RAD18: variants seen among roughly 807,000 people sequenced by gnomAD.
RAD18 encodes RAD18 E3 ubiquitin protein ligase.
Under a neutral mutation model 60.4 loss-of-function variants are expected in RAD18, and 47 were observed. That is an observed-to-expected ratio of 0.78 (90% confidence interval 0.62 to 0.99). The LOEUF is 0.99. Among genes scored for constraint, RAD18 ranks in the 50% least tolerant of loss-of-function variants. The probability of loss-of-function intolerance (pLI) is 0.00; values close to 1 mark genes in which losing one functional copy is unlikely to be tolerated. For synonymous variants in RAD18, 225 were observed against 195.5 expected, an observed-to-expected ratio of 1.15 and a Z score of -1.26; for missense variants, 640 against 593.3, an observed-to-expected ratio of 1.08 and a Z score of -0.82.
In RAD18 at chr3:8,951,049, A is replaced by G. The variant is rs1940918709; in HGVS notation, c.134-2479T>C. On this transcript the variant is annotated intron_variant, in intron 2 of 12. Coordinates refer to ENST00000264926, the MANE Select transcript of RAD18 (RefSeq NM_020165.4). ...ACTACAAAAGATGTAACATACACAT[A>G]ATGGGAATACCAGAAAGGGAAGAAT... Among the ~76,000 whole-genome samples the G allele has an allele frequency of 2.0e-5, 3 of 152,218 alleles. No homozygotes were observed. In the South Asian group the frequency reaches 6.2e-4, roughly 32 times the overall value.
chr3:8,940,407 C>G (rs185014209), intron 5 of RAD18, among the ~76,000 whole-genome samples: 16 of 151,970 alleles, frequency 1.1e-4, no homozygotes, highest in Admixed American at 9.8e-4. Context: ...TAAGAACTGT[C>G]AATTGGTAAA....
At position 8,898,893 on chromosome 3, in the gene RAD18, C is replaced by T; in HGVS notation, c.1322+1G>A. The T allele has an allele frequency of 5.1e-6, 8 of 1,572,546 alleles. No homozygotes were observed. The highest frequency in any genetic ancestry group is 6.9e-6 in the Non-Finnish European group (8 of 1,156,790). Reference sequence around the variant, plus strand: ...ATAATCAACTACTGCATGTTTCTTACCTATTGCATGAATCTGATTCTGATG... The same window carrying T: ...ATAATCAACTACTGCATGTTTCTTATCTATTGCATGAATCTGATTCTGATG... On this transcript the variant is annotated splice_donor_variant, in intron 11 of 12. Coordinates refer to ENST00000264926, the MANE Select transcript of RAD18 (RefSeq NM_020165.4). LOFTEE classifies it high-confidence loss of function.
chr3:8,908,164 G>T (rs543925030), intron 9 of RAD18, among the ~76,000 whole-genome samples: 1 of 152,258 alleles, frequency 6.6e-6, no homozygotes, highest in Non-Finnish European at 1.5e-5. Context: ...CTTCATGGAG[G>T]TCTAGCTGAT....
intron 12 of RAD18, among the ~76,000 whole-genome samples, chr3:8,887,787 C>T (rs1939595696): frequency 6.6e-6 from 1 of 152,122 alleles, no homozygotes; most frequent in East Asian, 1.9e-4. Context: ...TATTATGATG[C>T]TTTGACATCA....
chr3:8,893,777 G>C (rs2125048117), intron 11 of RAD18, among the ~76,000 whole-genome samples: 1 of 146,830 alleles, frequency 6.8e-6, no homozygotes, highest in Admixed American at 7.0e-5. Flanking sequence ...AGCTACTGCA[G>C]CCTCAACCTC....
At position 8,941,554 on chromosome 3, in the gene RAD18, G is replaced by A. The variant is rs183761850; in HGVS notation, c.517C>T (p.Arg173Cys). Residue 173 changes from arginine (R) to cysteine (C), a missense_variant, in exon 5 of 13, where the codon CGT becomes TGT. Coordinates refer to ENST00000264926, the MANE Select transcript of RAD18 (RefSeq NM_020165.4). ...ASPAAKTKET[R>C]SVEEIAPDPS... ...TCTGGAGCGATCTCTTCTACAGAAC[G>A]TGTCTCTTTGGTCTTTGCAGCAGGG... is the stretch of plus-strand genomic sequence containing the variant. 2.0e-5 allele frequency: 32 copies of A among 1,614,102 alleles called. No homozygotes were observed. The highest frequency in any genetic ancestry group is 5.5e-5 in the South Asian group (5 of 91,082).
At chr3:8,885,607 G>C (rs191966783) in intron 12 of RAD18, among the ~76,000 whole-genome samples, 61 of 152,278 alleles carry the variant, frequency 4.0e-4, no homozygotes, top group African/African-American at 1.2e-3. Context: ...CTCTGACAAG[G>C]CTGAGAAGTG....
At chr3:8,889,024 G>A (rs762137245) in intron 12 of RAD18, among the ~76,000 whole-genome samples, 1 of 152,148 alleles carries the variant, frequency 6.6e-6, no homozygotes, top group Non-Finnish European at 1.5e-5. Flanking sequence ...ATGCTTAGGT[G>A]AGAGACAGTA....
intron 7 of RAD18, among the ~76,000 whole-genome samples, chr3:8,921,826 T>C (rs1358910254): frequency 6.6e-6 from 1 of 152,212 alleles, no homozygotes; most frequent in South Asian, 2.1e-4. Flanking sequence ...GACCTTCTTT[T>C]CCATTTTTTA....
intron 7 of RAD18, among the ~76,000 whole-genome samples, chr3:8,922,793 C>T (rs1426122434): frequency 1.3e-5 from 2 of 152,176 alleles, no homozygotes; most frequent in African/African-American, 4.8e-5. Flanking sequence ...GCTGGTGATA[C>T]CCAGGCAAAC....
At chr3:8,901,078 C>G (rs1177929873) in intron 10 of RAD18, among the ~76,000 whole-genome samples, 1 of 152,186 alleles carries the variant, frequency 6.6e-6, no homozygotes, top group Non-Finnish European at 1.5e-5. Flanking sequence ...ACTTTATGCA[C>G]AAATTGTTTA....
intron 7 of RAD18, among the ~76,000 whole-genome samples, chr3:8,929,643 ATTTT>A (rs71049758): frequency 7.0e-6 from 1 of 142,282 alleles, no homozygotes; most frequent in African/African-American, 2.6e-5. Context: ...ACTGGAATTA[ATTTT>A]TTTTTTTTTT....
At chr3:8,881,800 C>T (rs914536100) in intron 12 of RAD18, among the ~76,000 whole-genome samples, 10 of 152,214 alleles carry the variant, frequency 6.6e-5, no homozygotes, top group Non-Finnish European at 1.3e-4. Flanking sequence ...AAAATCTTAA[C>T]TCTGTTTGAT....
intron 6 of RAD18, among the ~76,000 whole-genome samples, chr3:8,938,925 A>T (rs1940698904): frequency 6.6e-6 from 1 of 152,194 alleles, no homozygotes; most frequent in Non-Finnish European, 1.5e-5. Context: ...ATAGTGGACT[A>T]GCATGAGAAA....
At chr3:8,930,244 T>C (rs993512904) in intron 7 of RAD18, among the ~76,000 whole-genome samples, 1 of 152,104 alleles carries the variant, frequency 6.6e-6, no homozygotes, top group Non-Finnish European at 1.5e-5. Context: ...CAATGAAAAA[T>C]AAGTGAGTAT....
At chr3:8,958,403 A>G (rs903470863) in intron 2 of RAD18, among the ~76,000 whole-genome samples, 5 of 152,238 alleles carry the variant, frequency 3.3e-5, no homozygotes, top group African/African-American at 1.2e-4. Context: ...CTTATATACT[A>G]GACTCTTAAA....
intron 7 of RAD18, among the ~76,000 whole-genome samples, chr3:8,918,951 C>G (rs1291428968): frequency 3.3e-5 from 5 of 152,232 alleles, no homozygotes; most frequent in Admixed American, 2.0e-4. Context: ...CAGCTGACAA[C>G]TGCACCCTCT....
rs1939697681 is a variant in RAD18 at position 8,891,870 on chromosome 3, ATTCCTTTTT to A, written c.1323-1428_1323-1420del. Among the ~76,000 whole-genome samples, 8 of 152,364 alleles carry A rather than the reference ATTCCTTTTT, an allele frequency of 5.3e-5. No homozygotes were observed. The South Asian group carries it at 6.2e-4, about 12-fold the overall frequency. ...ATTAAAATACCAGACAGAACTGCTC[ATTCCTTTTT>A]CAAGTAATGTGCTTATTACCATATC... is the stretch of plus-strand genomic sequence containing the variant. On this transcript the variant is annotated intron_variant, in intron 11 of 12. Coordinates refer to ENST00000264926, the MANE Select transcript of RAD18 (RefSeq NM_020165.4).
chr3:8,950,185 C>A (rs1354364091), intron 2 of RAD18, among the ~76,000 whole-genome samples: 2 of 151,990 alleles, frequency 1.3e-5, no homozygotes, highest in African/African-American at 4.8e-5. Flanking sequence ...TGTGCGCCAC[C>A]ACACCACACC....
Sources: gnomAD v4.1 joint callset for allele counts (sites outside exome capture counted in the v4.1 genomes callset) on GRCh38, gnomAD v4.1.1 for gene constraint, MANE v1.5 for transcripts, NCBI Gene and HGNC (gene_info 2026-07-23, HGNC 2026-07-21) for gene names.